The following ANKS1B variants were observed in gnomAD, a reference collection of about 807,000 sequenced individuals.
The protein encoded by ANKS1B is ankyrin repeat and sterile alpha motif domain containing 1B.
ANKS1B carries 36 observed loss-of-function variants against 148.3 expected under a neutral mutation model. The observed-to-expected ratio is 0.24, with a 90% CI of 0.19 to 0.32. The LOEUF (loss-of-function observed/expected upper bound fraction) is 0.32. ANKS1B is among the 10% of genes least tolerant of loss of function. The pLI, the probability that ANKS1B is intolerant of heterozygous loss-of-function variation, is 1.00. For synonymous variants in ANKS1B, 542 were observed against 560.8 expected (o/e 0.97, Z 0.47); for missense variants, 1,157 against 1,542.6 (o/e 0.75, Z 4.19).
chr12:99,450,387 A>G (rs952064319), intron 10 of ANKS1B, among the ~76,000 whole-genome samples: 1 of 152,186 alleles, frequency 6.6e-6, no homozygotes, highest in Non-Finnish European at 1.5e-5. Flanking sequence ...TGGGCATCTC[A>G]CGGACTAGTT....
intron 1 of ANKS1B, among the ~76,000 whole-genome samples, chr12:99,983,650 C>A (rs1346907032): frequency 1.3e-5 from 2 of 152,172 alleles, no homozygotes; most frequent in South Asian, 2.1e-4. Context: ...ACAGCAAACG[C>A]CTTCTGCAAG....
chr12:99,008,787 GAGA>G (rs891322690), intron 17 of ANKS1B, among the ~76,000 whole-genome samples: 120 of 152,330 alleles, frequency 7.9e-4, no homozygotes, highest in African/African-American at 2.7e-3. Context: ...TCTCACGGAG[GAGA>G]AGATGGAATG....
chr12:98,851,982 C>T (rs945133543), intron 17 of ANKS1B, among the ~76,000 whole-genome samples: 3 of 122,550 alleles, frequency 2.4e-5, no homozygotes, highest in African/African-American at 9.4e-5. Context: ...CAAGATTGTG[C>T]CATTGCACTC....
chr12:98,851,124 T>C (rs1417853457), intron 17 of ANKS1B, among the ~76,000 whole-genome samples: 1 of 152,210 alleles, frequency 6.6e-6, no homozygotes, highest in Non-Finnish European at 1.5e-5. Flanking sequence ...TAGTACACAT[T>C]CATCCATCCA....
At chr12:98,996,420 T>G (rs145702381) in intron 17 of ANKS1B, among the ~76,000 whole-genome samples, 2 of 152,238 alleles carry the variant, frequency 1.3e-5, no homozygotes, top group East Asian at 3.9e-4. Flanking sequence ...CCAGCACTTC[T>G]CCTCTTCACC....
intron 14 of ANKS1B, among the ~76,000 whole-genome samples, chr12:99,180,101 T>C (rs1213965479): frequency 6.6e-6 from 1 of 152,198 alleles, no homozygotes; most frequent in Non-Finnish European, 1.5e-5. Flanking sequence ...GGCTCCCTCA[T>C]CCTTTTTGCC....
At chr12:98,913,422 C>G (rs2099789448) in intron 17 of ANKS1B, among the ~76,000 whole-genome samples, 1 of 152,116 alleles carries the variant, frequency 6.6e-6, no homozygotes, top group South Asian at 2.1e-4. Flanking sequence ...CTCTCGACCT[C>G]TAAATGTTGG....
intron 14 of ANKS1B, among the ~76,000 whole-genome samples, chr12:99,217,044 G>A (rs2084315905): frequency 6.6e-6 from 1 of 152,110 alleles, no homozygotes; most frequent in Admixed American, 6.5e-5. Flanking sequence ...AGAAGAGCAG[G>A]ACAAAAATAA....
At chr12:99,120,477 G>A (rs1425071132) in intron 15 of ANKS1B, among the ~76,000 whole-genome samples, 3 of 152,108 alleles carry the variant, frequency 2.0e-5, no homozygotes, top group Non-Finnish European at 4.4e-5. Context: ...CAATACATAA[G>A]TAATGAATTT....
chr12:99,268,049 G>T (rs1602238816), intron 12 of ANKS1B, among the ~76,000 whole-genome samples: 1 of 152,190 alleles, frequency 6.6e-6, no homozygotes, highest in Non-Finnish European at 1.5e-5. Flanking sequence ...TTACTCTGCA[G>T]TTGGAGCTCT....
At chr12:99,453,526 C>T (rs954442723) in intron 10 of ANKS1B, among the ~76,000 whole-genome samples, 2 of 152,106 alleles carry the variant, frequency 1.3e-5, no homozygotes, top group East Asian at 1.9e-4. Context: ...TTAACAGCCA[C>T]GAGTTAGCTT....
intron 9 of ANKS1B, among the ~76,000 whole-genome samples, chr12:99,635,181 A>G (rs1361525441): frequency 5.9e-5 from 9 of 152,212 alleles, no homozygotes; most frequent in Admixed American, 5.2e-4. Context: ...TGCAGCCACT[A>G]TGGAAAACAG....
intron 9 of ANKS1B, among the ~76,000 whole-genome samples, chr12:99,592,031 T>G (rs1400515874): frequency 6.6e-6 from 1 of 152,174 alleles, no homozygotes. Context: ...TATACTCAAA[T>G]GTACTGAAAA....
At chr12:98,987,739 AC>A (rs1390157722) in intron 17 of ANKS1B, among the ~76,000 whole-genome samples, 2 of 152,106 alleles carry the variant, frequency 1.3e-5, no homozygotes, top group African/African-American at 4.8e-5. Context: ...CTGTTTTGGG[AC>A]CCTTTGCAGT....
chr12:99,270,714 C>T (rs1302020426), intron 12 of ANKS1B, among the ~76,000 whole-genome samples: 2 of 152,174 alleles, frequency 1.3e-5, no homozygotes, highest in Non-Finnish European at 2.9e-5. Context: ...GGATTGTTCT[C>T]TGTAATTCAA....
intron 22 of ANKS1B, among the ~76,000 whole-genome samples, chr12:98,798,512 G>C (rs775077016): frequency 6.6e-6 from 1 of 151,472 alleles, no homozygotes; most frequent in Non-Finnish European, 1.5e-5. Context: ...AACTGAGTAA[G>C]AAATTGCATA....
At chr12:98,950,660 A>G (rs918877355) in intron 17 of ANKS1B, among the ~76,000 whole-genome samples, 3 of 152,170 alleles carry the variant, frequency 2.0e-5, no homozygotes, top group African/African-American at 7.2e-5. Flanking sequence ...GATTTTACCA[A>G]TGAAAATAAC....
At chr12:99,319,545 C>G (rs2084829029) in intron 12 of ANKS1B, among the ~76,000 whole-genome samples, 1 of 152,168 alleles carries the variant, frequency 6.6e-6, no homozygotes, top group Admixed American at 6.5e-5. Flanking sequence ...CTTCCTCCAT[C>G]CCTTTATTTT....
intron 10 of ANKS1B, among the ~76,000 whole-genome samples, chr12:99,467,778 T>G (rs539357629): frequency 0.012 from 1,819 of 152,108 alleles, 14 homozygotes; most frequent in Admixed American, 0.017. Flanking sequence ...CACTGCTCAA[T>G]GAAATAAAAG....
Sources: allele counts gnomAD v4.1 joint callset (sites outside exome capture counted in the v4.1 genomes callset), GRCh38; gene constraint gnomAD v4.1.1; transcripts MANE v1.5; gene names NCBI Gene and HGNC (gene_info 2026-07-23, HGNC 2026-07-21).